ESRRG: variants seen among roughly 807,000 people sequenced by gnomAD.
The protein encoded by ESRRG is estrogen-related receptor gamma.
Under a neutral mutation model 44.0 loss-of-function variants are expected in ESRRG, and 13 were observed. That is an observed-to-expected ratio of 0.30 (90% CI 0.19 to 0.47). The LOEUF is 0.47. Ranked by LOEUF, ESRRG falls within the 20% of genes least tolerant of loss-of-function variation. The probability of loss-of-function intolerance (pLI) is 1.00; values close to 1 mark genes in which losing one functional copy is unlikely to be tolerated. For synonymous variants in ESRRG, 215 were observed against 214.6 expected (o/e 1.00, Z -0.02); for missense variants, 395 against 580.6 (o/e 0.68, Z 3.29).
At chr1:216,989,185 A>G (rs1211061364) in intron 1 of ESRRG, among the ~76,000 whole-genome samples, 1 of 152,058 alleles carries the variant, frequency 6.6e-6, no homozygotes, top group Non-Finnish European at 1.5e-5. Context: ...GGTGGCTCAC[A>G]TATGAAATCC....
At chr1:216,906,863 T>C (rs2059738300) in intron 2 of ESRRG, among the ~76,000 whole-genome samples, 2 of 152,246 alleles carry the variant, frequency 1.3e-5, no homozygotes, top group African/African-American at 4.8e-5. Flanking sequence ...ATAAAGATCA[T>C]GTTTCTAAAA....
At chr1:216,774,209 T>A (rs983668798) in intron 2 of ESRRG, among the ~76,000 whole-genome samples, 3 of 152,044 alleles carry the variant, frequency 2.0e-5, no homozygotes, top group African/African-American at 4.8e-5. Context: ...GTAATAGAAC[T>A]GGTATTTTGG....
chr1:216,890,225 A>C (rs1188142535), intron 2 of ESRRG, among the ~76,000 whole-genome samples: 1 of 152,188 alleles, frequency 6.6e-6, no homozygotes, highest in African/African-American at 2.4e-5. Flanking sequence ...TGATAGCACC[A>C]ATGCACTCCA....
chr1:216,823,171 A>C (rs778587752), intron 2 of ESRRG, among the ~76,000 whole-genome samples: 9 of 152,054 alleles, frequency 5.9e-5, no homozygotes, highest in Non-Finnish European at 1.3e-4. Flanking sequence ...AAGAATTTGC[A>C]TGAGTCACAG....
intron 5 of ESRRG, among the ~76,000 whole-genome samples, chr1:216,523,592 A>T (rs1269202124): frequency 6.6e-6 from 1 of 151,902 alleles, no homozygotes; most frequent in Non-Finnish European, 1.5e-5. Flanking sequence ...AGGGCAAAAA[A>T]TATCTGACGG....
At chr1:216,803,922 A>G (rs1178804982) in intron 2 of ESRRG, among the ~76,000 whole-genome samples, 1 of 151,960 alleles carries the variant, frequency 6.6e-6, no homozygotes. Flanking sequence ...GGCAAAGCCT[A>G]CTCACATTAA....
intron 2 of ESRRG, among the ~76,000 whole-genome samples, chr1:216,837,235 G>A (rs1198761506): frequency 3.3e-5 from 5 of 151,564 alleles, no homozygotes; most frequent in East Asian, 1.9e-4. Flanking sequence ...CAGTGAAACC[G>A]TGTCTCTACT....
At chr1:216,634,548 G>T (rs1215663102) in intron 3 of ESRRG, among the ~76,000 whole-genome samples, 2 of 152,242 alleles carry the variant, frequency 1.3e-5, no homozygotes, top group East Asian at 3.9e-4. Context: ...TTCACAAACT[G>T]CATCCAAATC....
chr1:216,990,154 G>C (rs1334574299), intron 1 of ESRRG, among the ~76,000 whole-genome samples: 1 of 152,110 alleles, frequency 6.6e-6, no homozygotes, highest in Non-Finnish European at 1.5e-5. Context: ...AAACCATTCA[G>C]ATTTTCACAG....
intron 2 of ESRRG, among the ~76,000 whole-genome samples, chr1:216,653,286 T>G (rs990490081): frequency 1.3e-5 from 2 of 152,218 alleles, no homozygotes; most frequent in African/African-American, 4.8e-5. Flanking sequence ...CTCCCTGGGC[T>G]TTTTGCCTCC....
At chr1:216,552,557 G>T (rs1327233108) in intron 5 of ESRRG, among the ~76,000 whole-genome samples, 2 of 152,166 alleles carry the variant, frequency 1.3e-5, no homozygotes, top group South Asian at 4.1e-4. Flanking sequence ...GATTATCTCA[G>T]CAATCCATAC....
intron 1 of ESRRG, among the ~76,000 whole-genome samples, chr1:217,014,706 T>C (rs79660382): frequency 0.02 from 2,979 of 152,288 alleles, 109 homozygotes; most frequent in African/African-American, 0.068. Context: ...CTTAGGATGT[T>C]AAAGAGGAAA....
At chr1:216,992,764 G>C (rs892716496) in intron 1 of ESRRG, among the ~76,000 whole-genome samples, 1 of 152,108 alleles carries the variant, frequency 6.6e-6, no homozygotes, top group African/African-American at 2.4e-5. Context: ...AGCTCATGCA[G>C]GCTTAATGTA....
chr1:216,914,748 AT>A (rs2060928233), intron 2 of ESRRG, among the ~76,000 whole-genome samples: 1 of 152,094 alleles, frequency 6.6e-6, no homozygotes, highest in African/African-American at 2.4e-5. Context: ...AGTGCTGACC[AT>A]TTGCATGAGG....
intron 2 of ESRRG, among the ~76,000 whole-genome samples, chr1:216,920,066 A>G (rs1422270052): frequency 6.6e-6 from 1 of 152,246 alleles, no homozygotes; most frequent in Non-Finnish European, 1.5e-5. Flanking sequence ...ATGAAGTTGT[A>G]TAATATATCA....
chr1:216,852,856 T>C (rs566980776), intron 2 of ESRRG, among the ~76,000 whole-genome samples: 1 of 116,440 alleles, frequency 8.6e-6, no homozygotes, highest in East Asian at 2.0e-4. Context: ...TAAGATTTAA[T>C]TGTTTGACTG....
intron 1 of ESRRG, among the ~76,000 whole-genome samples, chr1:216,711,044 G>A (rs1213158584): frequency 3.3e-5 from 5 of 152,148 alleles, no homozygotes; most frequent in East Asian, 1.9e-4. Flanking sequence ...GAGTCCTGAC[G>A]TGACCCTAAG....
intron 1 of ESRRG, among the ~76,000 whole-genome samples, chr1:216,979,453 A>C (rs1382132976): frequency 2.0e-5 from 3 of 152,006 alleles, no homozygotes; most frequent in Non-Finnish European, 4.4e-5. Flanking sequence ...TCCCTTGGGG[A>C]TTCCAAGAGG....
intron 1 of ESRRG, among the ~76,000 whole-genome samples, chr1:216,979,487 A>G (rs1244124462): frequency 6.6e-6 from 1 of 152,020 alleles, no homozygotes; most frequent in African/African-American, 2.4e-5. Flanking sequence ...CATGGCCAAG[A>G]TTCTTAGATT....
Sources: allele counts gnomAD v4.1 joint callset (sites outside exome capture counted in the v4.1 genomes callset), GRCh38; gene constraint gnomAD v4.1.1; transcripts MANE v1.5; gene names NCBI Gene and HGNC (gene_info 2026-07-23, HGNC 2026-07-21).